The following BANF2 variants were observed in gnomAD, a reference collection of about 807,000 sequenced individuals.
BANF2 encodes the protein BANF family member 2.
Under a neutral mutation model 8.0 loss-of-function variants are expected in BANF2, and 4 were observed. The observed-to-expected ratio is 0.50, with a 90% CI of 0.25 to 1.14. The LOEUF (loss-of-function observed/expected upper bound fraction) is 1.14, where lower values mean the gene tolerates loss of function less well. BANF2 is among the 50% of genes most tolerant of loss of function. The pLI is 0.16. For missense variants in BANF2, 96 were observed against 107.5 expected (o/e 0.89, Z 0.47); for synonymous variants, 50 against 40.6 (o/e 1.23, Z -0.88).
intron 1 of BANF2, among the ~76,000 whole-genome samples, chr20:17,721,719 G>A (rs1297079999): frequency 6.6e-6 from 1 of 152,104 alleles, no homozygotes; most frequent in Non-Finnish European, 1.5e-5. Context: ...ATTGGAATAG[G>A]ACCCAAGCAA....
intron 1 of BANF2, among the ~76,000 whole-genome samples, chr20:17,702,849 A>G (rs2037429261): frequency 6.6e-6 from 1 of 152,188 alleles, no homozygotes; most frequent in African/African-American, 2.4e-5. Context: ...TATGATAGCC[A>G]CTAGGCACAC....
chr20:17,717,168 C>T (rs2037666612), intron 1 of BANF2, among the ~76,000 whole-genome samples: 1 of 152,140 alleles, frequency 6.6e-6, no homozygotes, highest in South Asian at 2.1e-4. Context: ...TCTGAGCTCC[C>T]TCGGGCTTGA....
chr20:17,708,224 G>T (rs115052531), intron 1 of BANF2, among the ~76,000 whole-genome samples: 1 of 151,688 alleles, frequency 6.6e-6, no homozygotes, highest in Admixed American at 6.6e-5. Flanking sequence ...GATATGTCTC[G>T]AACAAAAACA....
chr20:17,733,730 A>C (rs559750059), intron 3 of BANF2, among the ~76,000 whole-genome samples: 77 of 152,210 alleles, frequency 5.1e-4, no homozygotes, highest in Non-Finnish European at 6.3e-4. Context: ...AAAAGATTAA[A>C]GTAGCAGTTC....
At chr20:17,732,905 G>A (rs1315984169) in intron 3 of BANF2, among the ~76,000 whole-genome samples, 2 of 152,204 alleles carry the variant, frequency 1.3e-5, no homozygotes, top group Non-Finnish European at 2.9e-5. Flanking sequence ...ATCTGGCAGG[G>A]CCATGATGGG....
chr20:17,729,121 A>C (rs999993234), intron 3 of BANF2, among the ~76,000 whole-genome samples: 47 of 152,210 alleles, frequency 3.1e-4, no homozygotes, highest in African/African-American at 1.1e-3. Flanking sequence ...AGGGCGAAAG[A>C]GCCGTAAGGG....
At chr20:17,710,281 T>A (rs1483434318) in intron 1 of BANF2, among the ~76,000 whole-genome samples, 1 of 152,186 alleles carries the variant, frequency 6.6e-6, no homozygotes, top group Non-Finnish European at 1.5e-5. Context: ...TCCTTGTTGT[T>A]CTGACTCCTG....
chr20:17,699,709 T>C (rs1600209426), upstream of BANF2, among the ~76,000 whole-genome samples: 1 of 152,034 alleles, frequency 6.6e-6, no homozygotes, highest in Non-Finnish European at 1.5e-5. Context: ...TGGCAGCAGG[T>C]GGATTCATAA....
intron 3 of BANF2, among the ~76,000 whole-genome samples, chr20:17,733,075 G>C (rs1288349721): frequency 6.6e-6 from 1 of 152,206 alleles, no homozygotes; most frequent in Non-Finnish European, 1.5e-5. Context: ...GCTGCAAGAC[G>C]GGGCTTCCTG....
intron 1 of BANF2, among the ~76,000 whole-genome samples, chr20:17,694,601 CTTTTTTTT>C (rs869067650): frequency 7.5e-5 from 2 of 26,740 alleles, no homozygotes; most frequent in African/African-American, 1.2e-4. Flanking sequence ...TTTTCTCTCT[CTTTTTTTT>C]TTTTTTTTTT....
chr20:17,719,692 A>G (rs1480890727), intron 1 of BANF2, among the ~76,000 whole-genome samples: 2 of 151,786 alleles, frequency 1.3e-5, no homozygotes, highest in African/African-American at 4.8e-5. Context: ...TTAATTAAAA[A>G]AAAAAAAAAA....
intron 1 of BANF2, among the ~76,000 whole-genome samples, chr20:17,719,846 C>T (rs953777804): frequency 1.4e-4 from 21 of 152,264 alleles, no homozygotes; most frequent in African/African-American, 4.3e-4. Context: ...CTGGGAGCTG[C>T]GAGCATGTGC....
chr20:17,698,163 A>G (rs1237464494), upstream of BANF2, among the ~76,000 whole-genome samples: 1 of 151,970 alleles, frequency 6.6e-6, no homozygotes, highest in Non-Finnish European at 1.5e-5. Flanking sequence ...AGCCGAGATC[A>G]CGCCATCGCA....
chr20:17,719,666 G>A (rs534363771), intron 1 of BANF2, among the ~76,000 whole-genome samples: 5 of 146,188 alleles, frequency 3.4e-5, no homozygotes, highest in Admixed American at 3.4e-4. Context: ...TTCCTTTGAA[G>A]TAAAGATCCC....
intron 1 of BANF2, among the ~76,000 whole-genome samples, chr20:17,714,631 C>T (rs998910881): frequency 6.6e-6 from 1 of 152,172 alleles, no homozygotes; most frequent in Non-Finnish European, 1.5e-5. Context: ...ATCCATGAAA[C>T]CTTACTTAGA....
intron 1 of BANF2, among the ~76,000 whole-genome samples, chr20:17,711,424 G>T (rs998168604): frequency 1.3e-5 from 2 of 152,262 alleles, no homozygotes; most frequent in Non-Finnish European, 2.9e-5. Flanking sequence ...AATGTGGTAA[G>T]AACAGAGTAG....
chr20:17,694,485 T>C (rs36004999), intron 1 of BANF2, among the ~76,000 whole-genome samples: 16,435 of 151,816 alleles, frequency 0.11, 946 homozygotes, highest in East Asian at 0.15. Flanking sequence ...GAGCAAGGAG[T>C]TAAGAGGTCA....
upstream of BANF2, among the ~76,000 whole-genome samples, chr20:17,696,807 T>G (rs547083833): frequency 1.3e-5 from 2 of 152,194 alleles, no homozygotes; most frequent in African/African-American, 4.8e-5. Context: ...AAGCCGCGAT[T>G]GGATCTTTTC....
At chr20:17,696,388 C>G (rs1019755553), upstream of BANF2, among the ~76,000 whole-genome samples, 1 of 152,164 alleles carries the variant, frequency 6.6e-6, no homozygotes, top group Non-Finnish European at 1.5e-5. Flanking sequence ...TTTAATTTTA[C>G]AGGAAACTAC....
Sources: allele counts gnomAD v4.1 joint callset (sites outside exome capture counted in the v4.1 genomes callset), GRCh38; gene constraint gnomAD v4.1.1; transcripts MANE v1.5; gene names NCBI Gene and HGNC (gene_info 2026-07-23, HGNC 2026-07-21).